The following CNTN6 variants were observed in gnomAD, a reference collection of about 807,000 sequenced individuals.
CNTN6 encodes the protein contactin 6.
CNTN6 carries 137 observed loss-of-function variants against 122.8 expected under a neutral mutation model. The observed-to-expected ratio is 1.12, with a 90% confidence interval of 0.97 to 1.29. CNTN6 has a LOEUF of 1.29. Among genes scored for constraint, CNTN6 ranks in the 50% most tolerant of loss-of-function variants. The pLI, the probability that CNTN6 is intolerant of heterozygous loss-of-function variation, is 0.00. For missense variants in CNTN6, 1,634 were observed against 1,223.4 expected, an observed-to-expected ratio of 1.34 and a Z score of -5.01; for synonymous variants, 570 against 426.0, an observed-to-expected ratio of 1.34 and a Z score of -4.16.
chr3:1,283,144 T>C (rs1693758173), intron 5 of CNTN6, among the ~76,000 whole-genome samples: 2 of 152,156 alleles, frequency 1.3e-5, no homozygotes, highest in Non-Finnish European at 2.9e-5. Context: ...AGCTAATTTT[T>C]TATATTTTTA....
chr3:1,295,326 T>C lies in CNTN6; in HGVS notation c.455-275T>C, dbSNP rs1696020759. ...CGTCTTATGGTATTTCTTAATAAAC[T>C]CATCCACTTATTTCCATAACATCCT... On this transcript the variant is annotated intron_variant, in intron 5 of 22. Coordinates refer to ENST00000446702, the MANE Select transcript of CNTN6 (RefSeq NM_001289080.2). Among the ~76,000 whole-genome samples, 11 of 152,314 alleles carry C rather than the reference T, an allele frequency of 7.2e-5. 1 individual carries two copies. The South Asian group carries it at 2.3e-3, about 32-fold the overall frequency.
intron 6 of CNTN6, among the ~76,000 whole-genome samples, chr3:1,297,235 C>T (rs9853558): frequency 0.029 from 4,477 of 152,022 alleles, 245 homozygotes; most frequent in African/African-American, 0.1. Context: ...ATTACTCTGT[C>T]GTTTGGTACA....
In CNTN6 at chr3:1,220,816, A is replaced by G; in HGVS notation, c.182+3A>G. ...GGTTACCCTTCGCCTCATTATAGGT[A>G]AAATCCTACCTGTGGGCACCACACT... On this transcript the variant is annotated splice_donor_region_variant and intron_variant, in intron 3 of 22. Transcript: ENST00000446702. The G allele has an allele frequency of 6.3e-7, 1 of 1,594,638 alleles. No homozygotes were observed. Among genetic ancestry groups the G allele is most frequent in the Non-Finnish European group, 8.5e-7 (1 of 1,172,752 alleles).
intron 5 of CNTN6, among the ~76,000 whole-genome samples, chr3:1,292,141 T>C (rs1020743273): frequency 6.6e-6 from 1 of 152,084 alleles, no homozygotes; most frequent in African/African-American, 2.4e-5. Flanking sequence ...TTCTCAAATT[T>C]AGACTGTTCT....
chr3:1,234,183 C>T (rs1460837481), intron 4 of CNTN6, among the ~76,000 whole-genome samples: 1 of 152,136 alleles, frequency 6.6e-6, no homozygotes, highest in Non-Finnish European at 1.5e-5. Flanking sequence ...CTAACATTTC[C>T]TTCTTGAAAC....
intron 5 of CNTN6, among the ~76,000 whole-genome samples, chr3:1,292,494 T>C (rs889430923): frequency 6.6e-6 from 1 of 152,164 alleles, no homozygotes; most frequent in Non-Finnish European, 1.5e-5. Flanking sequence ...GATCCCATGA[T>C]ACCTGGCTCA....
chr3:1,344,113 G>A (rs759935534), intron 11 of CNTN6, among the ~76,000 whole-genome samples: 4 of 152,072 alleles, frequency 2.6e-5, no homozygotes, highest in Non-Finnish European at 1.5e-5. Context: ...TTTTTGATGT[G>A]GGGAGAAAGC....
chr3:1,218,564 G>T lies in CNTN6; in HGVS notation c.56-2123G>T, dbSNP rs184433062. On this transcript the variant is annotated intron_variant, in intron 2 of 22. Coordinates refer to ENST00000446702, the MANE Select transcript of CNTN6 (RefSeq NM_001289080.2). The stretch of plus-strand genomic sequence containing the variant: ...ATCAGGACCTGAGCAGGGGGAAGAG[G>T]ACGCTGACAGTGATACGAGACTAGT... 1.6e-4 allele frequency among the ~76,000 whole-genome samples: 25 copies of T among 152,210 alleles called. No individual in the cohort carries two copies. In the East Asian group the frequency reaches 4.6e-3, roughly 28 times the overall value.
intron 4 of CNTN6, among the ~76,000 whole-genome samples, chr3:1,254,044 A>G (rs1185834441): frequency 6.6e-6 from 1 of 152,186 alleles, no homozygotes; most frequent in African/African-American, 2.4e-5. Context: ...TTTAAGTTAT[A>G]AAAAATTTCA....
rs1559597056 is a variant in CNTN6 at position 1,245,278 on chromosome 3, C to CATATATATATATATAACATATA, written c.358+17286_358+17287insTATATATATATATAACATATAA. Among the ~76,000 whole-genome samples the CATATATATATATATAACATATA allele has an allele frequency of 3.4e-4, 2 of 5,898 alleles. 1 individual carries two copies. The highest frequency in any genetic ancestry group is 6.2e-4 in the Non-Finnish European group (2 of 3,214). The allele number at this position is 5,898 out of a possible 152,430, so 3.9% of individuals were successfully genotyped here. The stretch of plus-strand genomic sequence containing the variant: ...TATAACATATATATATATATATACA[C>CATATATATATATATAACATATA]ACACATATATATATAACATATATAT... On this transcript the variant is annotated intron_variant, in intron 4 of 22. Coordinates refer to ENST00000446702, the MANE Select transcript of CNTN6 (RefSeq NM_001289080.2).
In CNTN6 at chr3:1,329,737, C is replaced by G. The variant is rs191782131; in HGVS notation, c.1214-48C>G. On this transcript the variant is annotated intron_variant, in intron 10 of 22. Coordinates refer to ENST00000446702, the MANE Select transcript of CNTN6 (RefSeq NM_001289080.2). ...TAGCAAGTCACCCCTGGAGTCACTA[C>G]ATGTTAACTGAGTAATTAAACAATT... The G allele has an allele frequency of 2.8e-3, 4,256 of 1,537,002 alleles. 12 individuals carry two copies. Among genetic ancestry groups the G allele is most frequent in the Middle Eastern group, 8.5e-3 (49 of 5,740 alleles).
chr3:1,373,496 G>A, intron 14 of CNTN6, 108 bp from the exon 15 acceptor site: 2 of 984,610 alleles, frequency 2.0e-6, no homozygotes, highest in Non-Finnish European at 3.0e-6. Flanking sequence ...ATACATTATG[G>A]TCAATATTTT....
intron 1 of CNTN6, among the ~76,000 whole-genome samples, chr3:1,121,819 C>T (rs1454631105): frequency 1.3e-5 from 2 of 151,898 alleles, no homozygotes; most frequent in Non-Finnish European, 2.9e-5. Flanking sequence ...CACATTTTTG[C>T]TTAGAGCTGA....
At chr3:1,118,202 C>G (rs1043877744) in intron 1 of CNTN6, among the ~76,000 whole-genome samples, 1 of 152,028 alleles carries the variant, frequency 6.6e-6, no homozygotes, top group Non-Finnish European at 1.5e-5. Context: ...AAGTTATTAT[C>G]CTAAAGGTGA....
chr3:1,105,961 T>C (rs535901626), intron 1 of CNTN6, among the ~76,000 whole-genome samples: 2 of 152,304 alleles, frequency 1.3e-5, no homozygotes, highest in South Asian at 4.1e-4. Flanking sequence ...AACTTCAATT[T>C]ATGCCTCTGC....
At chr3:1,113,452 T>C (rs2091574560) in intron 1 of CNTN6, among the ~76,000 whole-genome samples, 1 of 152,180 alleles carries the variant, frequency 6.6e-6, no homozygotes, top group Admixed American at 6.5e-5. Flanking sequence ...ATGAAAAATG[T>C]GAGACTGGGA....
chr3:1,161,432 T>C (rs2125246841), intron 2 of CNTN6, among the ~76,000 whole-genome samples: 3 of 151,090 alleles, frequency 2.0e-5, no homozygotes, highest in African/African-American at 7.3e-5. Context: ...AATTGACTTA[T>C]GGAATTTGTA....
chr3:1,214,669 G>A (rs182484275), intron 2 of CNTN6, among the ~76,000 whole-genome samples: 31 of 152,070 alleles, frequency 2.0e-4, no homozygotes, highest in African/African-American at 7.5e-4. Flanking sequence ...CCTTCCATTT[G>A]GAATATTTAC....
chr3:1,125,445 G>A (rs1215480461), intron 1 of CNTN6, among the ~76,000 whole-genome samples: 1 of 151,764 alleles, frequency 6.6e-6, no homozygotes, highest in African/African-American at 2.4e-5. Context: ...CCAAGGAATT[G>A]CTGGTGTTCC....
Sources: allele counts gnomAD v4.1 joint callset (sites outside exome capture counted in the v4.1 genomes callset), GRCh38; gene constraint gnomAD v4.1.1; transcripts MANE v1.5; gene names NCBI Gene and HGNC (gene_info 2026-07-23, HGNC 2026-07-21).